The following NSD1 variants were observed in gnomAD, a reference collection of about 807,000 sequenced individuals.
NSD1 encodes histone-lysine N-methyltransferase, H3 lysine-36 specific.
Under a neutral mutation model 242.7 loss-of-function variants are expected in NSD1, and 26 were observed. The observed-to-expected ratio is 0.11, with a 90% confidence interval of 0.08 to 0.15. The LOEUF is 0.15. NSD1 is among the 10% of genes least tolerant of loss of function. The probability of loss-of-function intolerance (pLI) is 1.00; values close to 1 mark genes in which losing one functional copy is unlikely to be tolerated. For missense variants in NSD1, 2,495 were observed against 3,272.8 expected (o/e 0.76, Z 5.80); for synonymous variants, 1,106 against 1,178.1 (o/e 0.94, Z 1.25).
At chr5:177,245,856 C>T (rs1030192585) in intron 9 of NSD1, among the ~76,000 whole-genome samples, 1 of 152,048 alleles carries the variant, frequency 6.6e-6, no homozygotes, top group Non-Finnish European at 1.5e-5. Context: ...CCAGGATGGT[C>T]TTGATCTCCT....
chr5:177,158,293 C>CTTTCTTTCTTTCTTTTCTTTCT (rs1758350204), intron 2 of NSD1, among the ~76,000 whole-genome samples: 8 of 77,742 alleles, frequency 1.0e-4, no homozygotes, highest in African/African-American at 1.9e-4. Flanking sequence ...TTCTTTCTTT[C>CTTTCTTTCTTTCTTTTCTTTCT]TTTCTTTCTT....
At chr5:177,174,320 C>T (rs1419916671) in intron 2 of NSD1, among the ~76,000 whole-genome samples, 1 of 152,180 alleles carries the variant, frequency 6.6e-6, no homozygotes, top group Non-Finnish European at 1.5e-5. Context: ...CGCCACTGCA[C>T]TCTGGCCTGG....
chr5:177,247,176 T>A (rs1766364963), intron 10 of NSD1, among the ~76,000 whole-genome samples: 1 of 152,228 alleles, frequency 6.6e-6, no homozygotes, highest in Non-Finnish European at 1.5e-5. Context: ...ACGCCTGTAA[T>A]CCCAACACTT....
rs910597369 is a variant in NSD1, at chr5:177,298,459, C to T, written c.*3000C>T. ...ATGTTGAAATTTACATTCAAAGCCT[C>T]ATTTGCTTATCTTGCTGGAGCCAAC... On this transcript the variant is annotated 3_prime_UTR_variant, in exon 23 of 23. Transcript: ENST00000439151. 9.0e-5 allele frequency: 21 copies of T among 233,260 alleles called. 1 individual carries two copies. The highest frequency in any genetic ancestry group is 1.1e-4 in the Admixed American group (2 of 17,794). The allele number at this position is 233,260 out of a possible 1,614,324, so 14.4% of individuals were successfully genotyped here.
chr5:177,199,741 A>G (rs1480434533), intron 3 of NSD1, among the ~76,000 whole-genome samples: 1 of 152,042 alleles, frequency 6.6e-6, no homozygotes, highest in Non-Finnish European at 1.5e-5. Context: ...CTGGGATTAC[A>G]GGCACCTGCC....
intron 5 of NSD1, among the ~76,000 whole-genome samples, chr5:177,221,851 C>A (rs1764264599): frequency 6.6e-6 from 1 of 151,990 alleles, no homozygotes; most frequent in Non-Finnish European, 1.5e-5. Context: ...TTCTCATCGC[C>A]CAGGCTGGAG....
intron 5 of NSD1, among the ~76,000 whole-genome samples, chr5:177,219,712 C>T (rs1400149126): frequency 2.6e-5 from 4 of 152,156 alleles, no homozygotes; most frequent in Non-Finnish European, 4.4e-5. Context: ...CGCCTGTAAT[C>T]TCAGCACTTT....
intron 11 of NSD1, among the ~76,000 whole-genome samples, chr5:177,249,579 G>T: frequency 6.6e-6 from 1 of 151,646 alleles, no homozygotes; most frequent in South Asian, 2.1e-4. Flanking sequence ...CCATTCTCCT[G>T]CCTCAGCCTC....
chr5:177,265,078 T>G, intron 14 of NSD1: 1 of 753,338 alleles, frequency 1.3e-6, no homozygotes, highest in East Asian at 2.5e-5. Flanking sequence ...GATAGCTTCC[T>G]GAAACATGTG....
intron 19 of NSD1, 45 bp from the exon 20 acceptor site, chr5:177,283,742 A>G: frequency 6.2e-7 from 1 of 1,605,982 alleles, no homozygotes; most frequent in East Asian, 2.2e-5. Flanking sequence ...AATCCACAGC[A>G]GAGGTCTCAG....
At chr5:177,214,708 C>T (rs1484566678) in intron 5 of NSD1, among the ~76,000 whole-genome samples, 6 of 150,252 alleles carry the variant, frequency 4.0e-5, no homozygotes, top group Non-Finnish European at 8.9e-5. Flanking sequence ...TACTGTGTCA[C>T]CCAGGCTGGA....
At chr5:177,293,564 TCATAGAAATAC>T (rs1269143091) in intron 22 of NSD1, among the ~76,000 whole-genome samples, 1 of 123,140 alleles carries the variant, frequency 8.1e-6, no homozygotes, top group Non-Finnish European at 1.6e-5. Context: ...CTGGAAATAG[TCATAGAAATAC>T]CAATTTACTC....
upstream of NSD1, among the ~76,000 whole-genome samples, chr5:177,132,585 C>T (rs1456226492): frequency 6.6e-6 from 1 of 151,890 alleles, no homozygotes; most frequent in Non-Finnish European, 1.5e-5. This position sits in a 1 kb window ranked among gnomAD's most constrained non-coding sequence, Gnocchi z 7.5. Flanking sequence ...GCTGGGGACT[C>T]GGCCTCCCTG....
chr5:177,151,492 G>A (rs1170435959), intron 2 of NSD1, among the ~76,000 whole-genome samples: 1 of 151,326 alleles, frequency 6.6e-6, no homozygotes, highest in Admixed American at 6.6e-5. Flanking sequence ...GGGTTCAAGC[G>A]ATTCACCTAC....
intron 2 of NSD1, among the ~76,000 whole-genome samples, chr5:177,184,531 G>GT (rs992289767): frequency 1.3e-4 from 20 of 150,912 alleles, no homozygotes; most frequent in Admixed American, 6.0e-4. Context: ...CTTGTTTTGG[G>GT]TTTTTTTTTC....
intron 21 of NSD1, among the ~76,000 whole-genome samples, chr5:177,289,585 C>T (rs1157392577): frequency 6.6e-6 from 1 of 151,888 alleles, no homozygotes; most frequent in East Asian, 1.9e-4. Context: ...TGTGTCTGTC[C>T]CTGTCTTTCT....
At chr5:177,185,987 ATTTTATATT>A (rs1477444748) in intron 2 of NSD1, among the ~76,000 whole-genome samples, 1 of 97,408 alleles carries the variant, frequency 1.0e-5, no homozygotes, top group African/African-American at 4.2e-5. Flanking sequence ...TATATTATAT[ATTTTATATT>A]ATATAATTTA....
intron 3 of NSD1, 108 bp from the exon 4 acceptor site, chr5:177,204,012 T>A: frequency 9.4e-7 from 1 of 1,058,446 alleles, no homozygotes; most frequent in Non-Finnish European, 1.5e-6. Flanking sequence ...GTGGGCATGT[T>A]AGTTGTTTCC....
chr5:177,165,427 C>T (rs1759102911), intron 2 of NSD1, among the ~76,000 whole-genome samples: 1 of 152,100 alleles, frequency 6.6e-6, no homozygotes, highest in Non-Finnish European at 1.5e-5. Context: ...TCTTGGCCTC[C>T]CAAAATGAGC....
Sources: allele counts gnomAD v4.1 joint callset (sites outside exome capture counted in the v4.1 genomes callset), GRCh38; gene constraint gnomAD v4.1.1; non-coding constraint Gnocchi (gnomAD v3.1); transcripts MANE v1.5; gene names NCBI Gene and HGNC (gene_info 2026-07-23, HGNC 2026-07-21).